Variants in RNF130 observed in about 807,000 individuals in gnomAD.
RNF130 encodes ring finger protein 130, also known as E3 ubiquitin-protein ligase RNF130.
A neutral mutation model predicts 44.6 loss-of-function variants in RNF130; 21 were observed. The observed-to-expected ratio is 0.47, with a 90% confidence interval of 0.33 to 0.68. RNF130 has a LOEUF of 0.68. RNF130 is among the 30% of genes least tolerant of loss of function. The pLI, the probability that RNF130 is intolerant of heterozygous loss-of-function variation, is 0.02. For missense variants in RNF130, 479 were observed against 560.6 expected (o/e 0.85, Z 1.47); for synonymous variants, 214 against 210.4 (o/e 1.02, Z -0.15).
downstream of RNF130, among the ~76,000 whole-genome samples, chr5:179,953,577 A>G (rs1224628964): frequency 6.6e-6 from 1 of 152,212 alleles, no homozygotes; most frequent in African/African-American, 2.4e-5. Flanking sequence ...ATCCACATGC[A>G]AAAGAATGAA....
chr5:179,961,243 G>A (rs573038006), intron 8 of RNF130, among the ~76,000 whole-genome samples: 2 of 152,086 alleles, frequency 1.3e-5, no homozygotes, highest in South Asian at 2.1e-4. Flanking sequence ...CAACATGCAC[G>A]CACACACACA....
intron 1 of RNF130, among the ~76,000 whole-genome samples, chr5:180,042,192 G>A (rs1764435536): frequency 6.6e-6 from 1 of 152,184 alleles, no homozygotes; most frequent in South Asian, 2.1e-4. Flanking sequence ...ATGTAAAGAT[G>A]CCAGTAACTT....
chr5:179,961,110 T>TC (rs1762316896), intron 8 of RNF130, among the ~76,000 whole-genome samples: 3 of 149,502 alleles, frequency 2.0e-5, no homozygotes, highest in African/African-American at 7.6e-5. Flanking sequence ...ATGCTTACTG[T>TC]TAAAAAAAAA....
chr5:179,988,073 T>C (rs1762995029), intron 3 of RNF130, among the ~76,000 whole-genome samples: 1 of 152,264 alleles, frequency 6.6e-6, no homozygotes, highest in African/African-American at 2.4e-5. Context: ...TGATAGGATT[T>C]GGCAGTAAAG....
intron 7 of RNF130, chr5:179,939,407 A>C (rs980910073): frequency 5.8e-6 from 1 of 172,246 alleles, no homozygotes; most frequent in African/African-American, 2.4e-5. Flanking sequence ...TGAAATATTC[A>C]AAAAAATGTT....
At chr5:179,973,204 C>T (rs1762625496) in intron 5 of RNF130, among the ~76,000 whole-genome samples, 1 of 152,170 alleles carries the variant, frequency 6.6e-6, no homozygotes, top group South Asian at 2.1e-4. Flanking sequence ...CAGAGATCTT[C>T]AGTCTCAAAT....
At chr5:180,015,445 A>AAAACGAGTAGGG (rs1763695137) in intron 2 of RNF130, 1 of 450,056 alleles carries the variant, frequency 2.2e-6, no homozygotes, top group African/African-American at 2.4e-5. Context: ...CTCAAGCTGG[A>AAAACGAGTAGGG]AAAGGAGTAG....
chr5:180,028,668 G>A (rs1764050050), intron 2 of RNF130, among the ~76,000 whole-genome samples: 1 of 152,136 alleles, frequency 6.6e-6, no homozygotes, highest in Non-Finnish European at 1.5e-5. Context: ...TTCCCTAAGG[G>A]AGGAAGTGTT....
At chr5:180,019,277 G>A (rs374062933) in intron 2 of RNF130, among the ~76,000 whole-genome samples, 1,863 of 151,902 alleles carry the variant, frequency 0.012, 40 homozygotes, top group African/African-American at 0.043. Flanking sequence ...CCAGCTACTC[G>A]GGAGGCTGAG....
chr5:180,071,461 T>C lies in RNF130; in HGVS notation c.242A>G (p.His81Arg), dbSNP rs979161883. Residue 81 changes from histidine to arginine, a missense_variant, in exon 1 of 9, where the codon CAC (histidine) becomes CGC (arginine). This residue lies in a region of RNF130 where 138 missense variants were observed against 126.9 expected (regional missense o/e 1.09). Coordinates refer to ENST00000521389, the MANE Select transcript of RNF130 (RefSeq NM_018434.6). ...GCCCCCGGGCCGGCACTCACCTCCG[T>C]GGAGGGGCAGCGGCGCCAGCACCTG... ...RGQVLAPLPL[H>R]GVADHLGCDP... 4.0e-5 allele frequency: 50 copies of C among 1,242,964 alleles called. No individual in the cohort carries two copies. Among genetic ancestry groups the C allele is most frequent in the Non-Finnish European group, 4.7e-5 (47 of 992,036 alleles). The allele number at this position is 1,242,964 out of a possible 1,614,324, so 77.0% of individuals were successfully genotyped here. A position where few individuals can be genotyped will look rare whatever the true frequency, so the allele number is the denominator to read the frequency against.
At chr5:179,920,777 A>ATT (rs1162866678) in intron 7 of RNF130, among the ~76,000 whole-genome samples, 49 of 103,858 alleles carry the variant, frequency 4.7e-4, no homozygotes, top group East Asian at 1.9e-3. Context: ...GGGCATATAT[A>ATT]TTTATATATA....
chr5:180,045,398 A>C (rs1582216878), intron 1 of RNF130, among the ~76,000 whole-genome samples: 1 of 152,146 alleles, frequency 6.6e-6, no homozygotes, highest in East Asian at 1.9e-4. Context: ...CACTGACTTC[A>C]AGAGTGAAGC....
At chr5:180,015,310 C>T (rs1426714725) in intron 2 of RNF130, 1 of 530,370 alleles carries the variant, frequency 1.9e-6, no homozygotes, top group Non-Finnish European at 3.9e-6. Context: ...GTATAAGATA[C>T]CAGGTATGGC....
chr5:179,988,971 G>T (rs1056140249), intron 3 of RNF130, among the ~76,000 whole-genome samples: 1 of 152,148 alleles, frequency 6.6e-6, no homozygotes, highest in African/African-American at 2.4e-5. Context: ...TGTTGACAGC[G>T]GGTGTATTAG....
In RNF130 at chr5:180,003,607, C is replaced by G. The variant is rs149636659; in HGVS notation, c.693+9454G>C. On this transcript the variant is annotated intron_variant, in intron 3 of 8. Transcript: ENST00000521389. The stretch of plus-strand genomic sequence containing the variant: ...TTTAACATTTCCCATCACTTTGCGA[C>G]AGGTAAACCTGTGACAGGTATAAGT... Among the ~76,000 whole-genome samples the G allele has an allele frequency of 1.4e-4, 22 of 152,324 alleles. No individual in the cohort carries two copies. In the East Asian group the frequency reaches 2.9e-3, roughly 20 times the overall value.
chr5:180,001,941 T>C (rs181511766), intron 3 of RNF130, among the ~76,000 whole-genome samples: 1 of 152,166 alleles, frequency 6.6e-6, no homozygotes, highest in African/African-American at 2.4e-5. Context: ...CTCTGGGACA[T>C]GGTGTACTAT....
intron 1 of RNF130, among the ~76,000 whole-genome samples, chr5:180,042,765 G>A (rs1010985029): frequency 7.2e-5 from 11 of 152,186 alleles, no homozygotes; most frequent in Admixed American, 3.9e-4. Context: ...GTGTACCCCT[G>A]CCTTCTGTGC....
intron 1 of RNF130, among the ~76,000 whole-genome samples, chr5:180,061,431 A>C (rs1001676442): frequency 6.6e-6 from 1 of 152,178 alleles, no homozygotes; most frequent in Admixed American, 6.5e-5. Context: ...AAGACATCAC[A>C]AACTTGGTGG....
At chr5:180,060,090 A>T (rs569621495) in intron 1 of RNF130, among the ~76,000 whole-genome samples, 345 of 152,362 alleles carry the variant, frequency 2.3e-3, no homozygotes, top group Non-Finnish European at 3.8e-3. Flanking sequence ...CAGGGAACAC[A>T]GGCAGCTTCT....
Sources: allele counts gnomAD v4.1 joint callset (sites outside exome capture counted in the v4.1 genomes callset), GRCh38; gene constraint gnomAD v4.1.1; regional missense constraint gnomAD v4.1.1; transcripts MANE v1.5; gene names NCBI Gene and HGNC (gene_info 2026-07-23, HGNC 2026-07-21).